SCMH1: variants seen among roughly 807,000 people sequenced by gnomAD.
SCMH1 encodes the protein Scm polycomb group protein homolog 1.
A neutral mutation model predicts 70.8 loss-of-function variants in SCMH1; 37 were observed. That is an observed-to-expected ratio of 0.52 (90% CI 0.40 to 0.69). SCMH1 has a LOEUF of 0.69. Among genes scored for constraint, SCMH1 ranks in the 30% least tolerant of loss-of-function variants. The pLI, the probability that SCMH1 is intolerant of heterozygous loss-of-function variation, is 0.00. For synonymous variants in SCMH1, 292 were observed against 307.4 expected (o/e 0.95, Z 0.52); for missense variants, 607 against 827.3 (o/e 0.73, Z 3.27).
intron 6 of SCMH1, among the ~76,000 whole-genome samples, chr1:41,123,029 G>A (rs1041115220): frequency 6.6e-6 from 1 of 152,132 alleles, no homozygotes; most frequent in African/African-American, 2.4e-5. Context: ...AGACCAGCCT[G>A]GGCAACACAG....
chr1:41,174,926 A>G (rs1647013418), intron 2 of SCMH1, among the ~76,000 whole-genome samples: 1 of 152,212 alleles, frequency 6.6e-6, no homozygotes. Flanking sequence ...TTTTTGTTGT[A>G]TGCAGGATAG....
chr1:41,153,625 C>CT (rs1224022097), intron 4 of SCMH1, among the ~76,000 whole-genome samples: 13 of 152,192 alleles, frequency 8.5e-5, no homozygotes, highest in Non-Finnish European at 1.6e-4. Context: ...AGGAAACACT[C>CT]TATCACTAAC....
chr1:41,153,312 C>T (rs780631958), intron 4 of SCMH1, among the ~76,000 whole-genome samples: 8 of 152,012 alleles, frequency 5.3e-5, no homozygotes, highest in Non-Finnish European at 7.4e-5. Context: ...AATGTGGGTA[C>T]GTAAGAAACT....
chr1:41,170,099 A>G (rs149431888), intron 2 of SCMH1, among the ~76,000 whole-genome samples: 1 of 152,296 alleles, frequency 6.6e-6, no homozygotes, highest in Non-Finnish European at 1.5e-5. Flanking sequence ...AGTCCCTTCT[A>G]TGTATTGCTC....
At chr1:41,228,229 C>T (rs1374920120) in intron 1 of SCMH1, among the ~76,000 whole-genome samples, 1 of 152,088 alleles carries the variant, frequency 6.6e-6, no homozygotes, top group East Asian at 1.9e-4. Flanking sequence ...ACCTGTGGCT[C>T]CTTCCTCTTT....
At chr1:41,154,452 G>A (rs1178375058) in intron 4 of SCMH1, among the ~76,000 whole-genome samples, 1 of 152,118 alleles carries the variant, frequency 6.6e-6, no homozygotes, top group Non-Finnish European at 1.5e-5. Context: ...GACAATATCT[G>A]TCTTACAAGA....
chr1:41,064,216 G>A (rs924390187), intron 10 of SCMH1, among the ~76,000 whole-genome samples: 3 of 152,028 alleles, frequency 2.0e-5, no homozygotes, highest in African/African-American at 7.2e-5. Context: ...AAAAACTATT[G>A]GAAACTAGAA....
intron 1 of SCMH1, among the ~76,000 whole-genome samples, chr1:41,237,251 T>C (rs1364036185): frequency 6.6e-6 from 1 of 152,208 alleles, no homozygotes; most frequent in East Asian, 1.9e-4. Flanking sequence ...CTTCGGTCAC[T>C]TTCTACCAGT....
intron 5 of SCMH1, among the ~76,000 whole-genome samples, chr1:41,148,195 T>C (rs1644754954): frequency 6.6e-6 from 1 of 152,186 alleles, no homozygotes; most frequent in African/African-American, 2.4e-5. Flanking sequence ...CCTCCCTTCC[T>C]GCCTTTGTGC....
intron 8 of SCMH1, among the ~76,000 whole-genome samples, chr1:41,077,088 C>T (rs1364827355): frequency 3.9e-5 from 6 of 152,006 alleles, no homozygotes; most frequent in Non-Finnish European, 8.8e-5. Flanking sequence ...ACAATGTTAA[C>T]GATGCAACAA....
chr1:41,208,443 A>AAT (rs1557828530), intron 1 of SCMH1, among the ~76,000 whole-genome samples: 1 of 109,338 alleles, frequency 9.1e-6, no homozygotes, highest in Non-Finnish European at 2.2e-5. Context: ...ATTAAAAAAA[A>AAT]AAAATAAAAA....
At chr1:41,185,021 A>G (rs565656982) in intron 2 of SCMH1, among the ~76,000 whole-genome samples, 1 of 152,336 alleles carries the variant, frequency 6.6e-6, no homozygotes, top group South Asian at 2.1e-4. Flanking sequence ...AATACAATGA[A>G]TCAATGAATG....
intron 2 of SCMH1, among the ~76,000 whole-genome samples, chr1:41,178,471 T>A (rs930050608): frequency 8.5e-5 from 13 of 152,174 alleles, no homozygotes; most frequent in Non-Finnish European, 1.8e-4. Context: ...CCCATCAGTG[T>A]GCTGTATTCA....
At chr1:41,028,507 CA>C (rs1235898440) in intron 14 of SCMH1, 76 bp downstream of exon 15, 1 of 1,580,264 alleles carries the variant, frequency 6.3e-7, no homozygotes, top group African/African-American at 1.3e-5. Context: ...CCCTCCTCCC[CA>C]AACATCTCGT....
At chr1:41,215,797 C>A (rs2148821250) in intron 1 of SCMH1, among the ~76,000 whole-genome samples, 1 of 152,136 alleles carries the variant, frequency 6.6e-6, no homozygotes, top group African/African-American at 2.4e-5. Context: ...TAGTGAAGCC[C>A]TAAGGGATGT....
At chr1:41,052,013 A>G (rs879759250) in intron 10 of SCMH1, among the ~76,000 whole-genome samples, 6 of 152,250 alleles carry the variant, frequency 3.9e-5, no homozygotes, top group Non-Finnish European at 7.3e-5. Context: ...CATTTAAAAA[A>G]TCTTTTAAAC....
At chr1:41,119,200 C>T (rs1198890447) in intron 6 of SCMH1, among the ~76,000 whole-genome samples, 3 of 152,052 alleles carry the variant, frequency 2.0e-5, no homozygotes, top group Non-Finnish European at 2.9e-5. Flanking sequence ...CAATTAACAA[C>T]TGTAATTAAA....
At chr1:41,068,390 G>T (rs1233168213) in intron 10 of SCMH1, among the ~76,000 whole-genome samples, 1 of 151,776 alleles carries the variant, frequency 6.6e-6, no homozygotes, top group African/African-American at 2.4e-5. Flanking sequence ...AGAAGTGAAA[G>T]AAAATAATTG....
At chr1:41,233,457 T>C (rs1236671304) in intron 1 of SCMH1, among the ~76,000 whole-genome samples, 1 of 152,196 alleles carries the variant, frequency 6.6e-6, no homozygotes, top group East Asian at 1.9e-4. Flanking sequence ...TGACTATAGA[T>C]AGCAGAAGAT....
Sources: allele counts gnomAD v4.1 joint callset (sites outside exome capture counted in the v4.1 genomes callset), GRCh38; gene constraint gnomAD v4.1.1; transcripts MANE v1.5; gene names NCBI Gene and HGNC (gene_info 2026-07-23, HGNC 2026-07-21).